The following SLC35F4 variants were observed in gnomAD, a reference collection of about 807,000 sequenced individuals.
SLC35F4 encodes chromosome 14 open reading frame 36.
A neutral mutation model predicts 44.2 loss-of-function variants in SLC35F4; 24 were observed. The observed-to-expected ratio is 0.54, with a 90% CI of 0.39 to 0.76. SLC35F4 has a LOEUF of 0.76. Ranked by LOEUF, SLC35F4 falls within the 30% of genes least tolerant of loss-of-function variation. The pLI is 0.00. For missense variants in SLC35F4, 562 were observed against 586.1 expected (o/e 0.96, Z 0.42); for synonymous variants, 238 against 223.6 (o/e 1.06, Z -0.57).
At chr14:57,602,036 A>G (rs1204041763) in intron 1 of SLC35F4, among the ~76,000 whole-genome samples, 10 of 152,222 alleles carry the variant, frequency 6.6e-5, no homozygotes, top group African/African-American at 2.4e-4. Flanking sequence ...CAAAAAGGTT[A>G]CAATCTTGCT....
At chr14:57,840,299 A>T (rs558077240) in intron 1 of SLC35F4, among the ~76,000 whole-genome samples, 2 of 152,318 alleles carry the variant, frequency 1.3e-5, no homozygotes, top group Non-Finnish European at 2.9e-5. Context: ...AATGCCAGGC[A>T]TTGTGCCCTC....
intron 1 of SLC35F4, among the ~76,000 whole-genome samples, chr14:57,947,746 G>A (rs181904451): frequency 6.6e-6 from 1 of 152,054 alleles, no homozygotes; most frequent in Non-Finnish European, 1.5e-5. Flanking sequence ...AGGGATGTTG[G>A]ATTTTATCAA....
At chr14:57,707,333 A>T (rs948283358) in intron 1 of SLC35F4, among the ~76,000 whole-genome samples, 1 of 152,082 alleles carries the variant, frequency 6.6e-6, no homozygotes, top group African/African-American at 2.4e-5. Flanking sequence ...ACTTGGTGGG[A>T]AGAGATTGGA....
intron 3 of SLC35F4, among the ~76,000 whole-genome samples, chr14:57,584,350 T>C (rs1034190846): frequency 2.6e-5 from 4 of 152,146 alleles, no homozygotes; most frequent in African/African-American, 9.7e-5. Flanking sequence ...CTAGAGAAAA[T>C]AGATTCTGGT....
chr14:57,716,977 C>G (rs1408970644), intron 1 of SLC35F4, among the ~76,000 whole-genome samples: 1 of 152,120 alleles, frequency 6.6e-6, no homozygotes, highest in African/African-American at 2.4e-5. Context: ...TGATATTTGT[C>G]TTTCTATGCT....
chr14:57,776,432 G>A (rs2140714951), intron 1 of SLC35F4, among the ~76,000 whole-genome samples: 1 of 152,186 alleles, frequency 6.6e-6, no homozygotes, highest in East Asian at 1.9e-4. Context: ...CACTTTGGGA[G>A]GCCACGGGCG....
At chr14:57,587,444 TA>T (rs552772318) in intron 3 of SLC35F4, among the ~76,000 whole-genome samples, 57 of 152,172 alleles carry the variant, frequency 3.7e-4, no homozygotes, top group African/African-American at 9.9e-4. Flanking sequence ...TATGCAGCCA[TA>T]AAAAAAGATG....
chr14:57,663,770 A>T (rs1048291024), intron 1 of SLC35F4, among the ~76,000 whole-genome samples: 1 of 152,182 alleles, frequency 6.6e-6, no homozygotes, highest in Non-Finnish European at 1.5e-5. Flanking sequence ...GGCCCTTGTT[A>T]GGAGTGACAG....
chr14:57,849,417 C>T (rs1315544223), intron 1 of SLC35F4, among the ~76,000 whole-genome samples: 1 of 152,194 alleles, frequency 6.6e-6, no homozygotes, highest in East Asian at 1.9e-4. Flanking sequence ...CTGCCTCGGC[C>T]TCCCAAAGTG....
At chr14:57,577,942 T>C (rs1382641867) in intron 4 of SLC35F4, among the ~76,000 whole-genome samples, 1 of 152,212 alleles carries the variant, frequency 6.6e-6, no homozygotes, top group Non-Finnish European at 1.5e-5. Flanking sequence ...TGAAATGACT[T>C]CATACTAAAT....
At chr14:57,882,926 G>A (rs1566920778) in intron 1 of SLC35F4, among the ~76,000 whole-genome samples, 1 of 152,068 alleles carries the variant, frequency 6.6e-6, no homozygotes, top group Admixed American at 6.6e-5. Flanking sequence ...GATTTTGCCA[G>A]TGGTATGATA....
At chr14:57,896,432 T>A (rs1176396148) in intron 1 of SLC35F4, among the ~76,000 whole-genome samples, 1 of 152,196 alleles carries the variant, frequency 6.6e-6, no homozygotes, top group Non-Finnish European at 1.5e-5. Context: ...AAATGCGTTT[T>A]CATTGGGAGG....
chr14:57,637,311 ACTC>A (rs939810396), intron 1 of SLC35F4, among the ~76,000 whole-genome samples: 2 of 151,924 alleles, frequency 1.3e-5, no homozygotes, highest in African/African-American at 4.8e-5. Context: ...TTACAATTGA[ACTC>A]CTCCTCCTTC....
At chr14:57,875,929 C>A (rs1323248930) in intron 1 of SLC35F4, among the ~76,000 whole-genome samples, 2 of 152,142 alleles carry the variant, frequency 1.3e-5, no homozygotes, top group Admixed American at 6.6e-5. Context: ...CAGAATGTGT[C>A]TTTTGATAGA....
chr14:57,958,153 G>T (rs544798339), intron 1 of SLC35F4, among the ~76,000 whole-genome samples: 3 of 151,970 alleles, frequency 2.0e-5, no homozygotes, highest in African/African-American at 7.3e-5. Context: ...TGCCTCCCAG[G>T]TTCACGCCGT....
At chr14:57,571,842 C>T in intron 5 of SLC35F4, 52 bp downstream of exon 5, 2 of 1,578,208 alleles carry the variant, frequency 1.3e-6, no homozygotes, top group South Asian at 1.2e-5. Context: ...CTTTAGTACT[C>T]AAGTCTAAGT....
At chr14:57,824,295 G>C (rs1883487900) in intron 1 of SLC35F4, among the ~76,000 whole-genome samples, 1 of 152,186 alleles carries the variant, frequency 6.6e-6, no homozygotes, top group African/African-American at 2.4e-5. Flanking sequence ...TGCTAACTGA[G>C]CATCTACAGT....
chr14:57,745,733 G>A (rs990240643), intron 1 of SLC35F4, among the ~76,000 whole-genome samples: 4 of 152,076 alleles, frequency 2.6e-5, no homozygotes, highest in African/African-American at 9.7e-5. Flanking sequence ...CCCATTACTG[G>A]GTATATACCC....
intron 1 of SLC35F4, among the ~76,000 whole-genome samples, chr14:57,624,903 G>A (rs2140107186): frequency 6.6e-6 from 1 of 152,196 alleles, no homozygotes; most frequent in East Asian, 1.9e-4. Flanking sequence ...ACAAGACAAG[G>A]ATGCCCTCTC....
Sources: allele counts gnomAD v4.1 joint callset (sites outside exome capture counted in the v4.1 genomes callset), GRCh38; gene constraint gnomAD v4.1.1; transcripts MANE v1.5; gene names NCBI Gene and HGNC (gene_info 2026-07-23, HGNC 2026-07-21).